CYP2R1: variants seen among roughly 807,000 people sequenced by gnomAD.
CYP2R1 encodes cytochrome P450 family 2 subfamily R member 1, also known as vitamin D 25-hydroxylase.
A neutral mutation model predicts 45.7 loss-of-function variants in CYP2R1; 40 were observed. That is an observed-to-expected ratio of 0.87 (90% CI 0.68 to 1.14). The LOEUF (loss-of-function observed/expected upper bound fraction) is 1.14, where lower values mean the gene tolerates loss of function less well. Among genes scored for constraint, CYP2R1 ranks in the 50% most tolerant of loss-of-function variants. CYP2R1 has a pLI of 0.00. For missense variants in CYP2R1, 605 were observed against 602.6 expected (o/e 1.00, Z -0.04); for synonymous variants, 234 against 219.3 (o/e 1.07, Z -0.59).
At chr11:14,879,490 T>C (rs781802592) in intron 3 of CYP2R1, 47 bp from the exon 4 acceptor site, 8 of 1,411,976 alleles carry the variant, frequency 5.7e-6, no homozygotes, top group African/African-American at 1.4e-5. Flanking sequence ...CTTAGAATTA[T>C]ACCTAAAGTT....
chr11:14,884,141 G>C (rs1555013478), intron 2 of CYP2R1, among the ~76,000 whole-genome samples: 2 of 151,976 alleles, frequency 1.3e-5, no homozygotes, highest in Non-Finnish European at 2.9e-5. Context: ...CAGGGATCTA[G>C]AACTAGAAAT....
chr11:14,886,684 G>A (rs1218763552), intron 1 of CYP2R1: 3 of 152,194 alleles, frequency 2.0e-5, no homozygotes, highest in African/African-American at 4.8e-5. Flanking sequence ...GTGAGAGAAC[G>A]ATATTCCCTT....
intron 1 of CYP2R1, among the ~76,000 whole-genome samples, chr11:14,890,273 C>A (rs1231633320): frequency 6.6e-6 from 1 of 150,794 alleles, no homozygotes; most frequent in Non-Finnish European, 1.5e-5. Flanking sequence ...GAAGACCTGA[C>A]CTCTAGTCTT....
intron 2 of CYP2R1, 35 bp from the exon 3 acceptor site, chr11:14,880,803 AC>A: frequency 6.4e-7 from 1 of 1,565,520 alleles, no homozygotes; most frequent in Non-Finnish European, 8.6e-7. Context: ...TATAATTCCT[AC>A]TTCTCTGTAT....
At chr11:14,891,678 C>G (rs998340087) in intron 1 of CYP2R1, 2 of 1,171,828 alleles carry the variant, frequency 1.7e-6, no homozygotes, top group Non-Finnish European at 2.1e-6. Context: ...GGCTGGCGAG[C>G]CAAACGGCGC....
chr11:14,891,600 G>C, intron 1 of CYP2R1: 1 of 1,061,834 alleles, frequency 9.4e-7, no homozygotes, highest in Non-Finnish European at 1.1e-6. Flanking sequence ...CCACAGAGCT[G>C]CGAGGCCGAC....
Position 14,877,983 on chromosome 11 carries a change from A to G in CYP2R1, c.*139T>C, listed in dbSNP as rs1848217768. 1.2e-6 allele frequency: 1 copy of G among 822,300 alleles called. No homozygotes were observed. Among genetic ancestry groups the G allele is most frequent in the South Asian group, 1.8e-5 (1 of 54,992 alleles). The allele number at this position is 822,300 out of a possible 1,614,324, so 50.9% of individuals were successfully genotyped here. Reference sequence around the variant, plus strand: ...GACTAGTGCTTGTTTCTGCTCTAGTACTATTTTAAGACACATCTGTGTTCA... The same window carrying G: ...GACTAGTGCTTGTTTCTGCTCTAGTGCTATTTTAAGACACATCTGTGTTCA... On this transcript the variant is annotated 3_prime_UTR_variant, in exon 5 of 5. Coordinates refer to ENST00000334636, the MANE Select transcript of CYP2R1 (RefSeq NM_024514.5).
chr11:14,884,672 A>G (rs1848539114), intron 2 of CYP2R1, among the ~76,000 whole-genome samples: 1 of 152,130 alleles, frequency 6.6e-6, no homozygotes, highest in African/African-American at 2.4e-5. Flanking sequence ...CCTAAAACTT[A>G]AAGTATAATA....
intron 1 of CYP2R1, among the ~76,000 whole-genome samples, chr11:14,888,870 A>C (rs1848718773): frequency 6.6e-6 from 1 of 152,186 alleles, no homozygotes; most frequent in South Asian, 2.1e-4. Flanking sequence ...CCATTACCTG[A>C]AAATAATCGA....
chr11:14,885,958 G>A (rs782433035), intron 1 of CYP2R1, 41 bp from the exon 2 acceptor site: 27 of 1,593,414 alleles, frequency 1.7e-5, no homozygotes, highest in Admixed American at 5.0e-5. Context: ...ATGACAGCAT[G>A]TATGGAGAAA....
Position 14,892,056 on chromosome 11 carries a change from G to C in CYP2R1, c.150C>G (p.Gly50=). Residue 50 remains glycine, a synonymous_variant, in exon 1 of 5, where the codon GGC becomes GGG. Coordinates refer to ENST00000334636, the MANE Select transcript of CYP2R1 (RefSeq NM_024514.5). ...ATGAGGCTGCCAGGGAATAGATGTTGCCGATAAATGGCAGCCCCGGCGGCC... is the reference window on the plus strand; with the variant it reads ...ATGAGGCTGCCAGGGAATAGATGTTCCCGATAAATGGCAGCCCCGGCGGCC... The part of the protein sequence containing the change: ...PPGPPGLPFI[G]NIYSLAASSE... 1 of 1,612,932 alleles carries C rather than the reference G, an allele frequency of 6.2e-7. No individual in the cohort carries two copies. The highest frequency in any genetic ancestry group is 8.5e-7 in the Non-Finnish European group (1 of 1,179,744).
chr11:14,880,535 T>C lies in CYP2R1; in HGVS notation c.601A>G (p.Thr201Ala), dbSNP rs1555011798. ...TNLIIFGERF[T>A]YEDTDFQHMI... ...TGCTGAAAATCGGTGTCTTCATAAG[T>C]GAATCGTTCTCCAAAAATGATCAGA... is the stretch of plus-strand genomic sequence containing the variant. The change falls in exon 3 of 5, where the codon ACT (threonine) becomes GCT (alanine). Residue 201 changes from threonine to alanine, a missense_variant. By Grantham distance (58) the Thr-to-Ala change is moderately conservative (BLOSUM62 0). Coordinates refer to ENST00000334636, the MANE Select transcript of CYP2R1 (RefSeq NM_024514.5). 3 of 1,613,542 alleles carry C rather than the reference T, an allele frequency of 1.9e-6. No individual in the cohort carries two copies. The highest frequency in any genetic ancestry group is 1.3e-5 in the African/African-American group (1 of 75,014).
chr11:14,881,055 C>T (rs1396796677), intron 2 of CYP2R1, among the ~76,000 whole-genome samples: 3 of 152,044 alleles, frequency 2.0e-5, no homozygotes, highest in Admixed American at 1.3e-4. Flanking sequence ...GCCCAGGTGA[C>T]TATATTATCC....
At chr11:14,884,594 A>G (rs1848534579) in intron 2 of CYP2R1, among the ~76,000 whole-genome samples, 1 of 151,590 alleles carries the variant, frequency 6.6e-6, no homozygotes. Flanking sequence ...TGACGAGTTA[A>G]TGGGTGCAGC....
chr11:14,887,750 G>C (rs998601182), intron 1 of CYP2R1: 10 of 430,208 alleles, frequency 2.3e-5, no homozygotes, highest in African/African-American at 1.7e-4. Context: ...TGAGGCCCAG[G>C]ACTTTGCAGT....
chr11:14,878,289 G>T lies in CYP2R1; in HGVS notation c.1339C>A (p.His447Asn), dbSNP rs373226890. 1 of 1,612,808 alleles carries T rather than the reference G, an allele frequency of 6.2e-7. No homozygotes were observed. Among genetic ancestry groups the T allele is most frequent in the Admixed American group, 1.7e-5 (1 of 59,808 alleles). ...CGAGCCAAGTGTTCTCCAAGACAAT[G>T]TCTTCTTCCTAAACAGAAAAAGCAG... ...ALVPFSLGRR[H>N]CLGEHLARME... The change falls in exon 5 of 5, where the codon CAT (histidine) becomes AAT (asparagine). Residue 447 changes from histidine (H) to asparagine (N), a missense_variant. By Grantham distance (68) the His-to-Asn change is moderately conservative. Transcript: ENST00000334636.
chr11:14,891,503 G>A (rs1555016899), intron 1 of CYP2R1: 9 of 993,234 alleles, frequency 9.1e-6, no homozygotes, highest in Non-Finnish European at 1.1e-5. Context: ...TACACCAGTC[G>A]TTCGTCGACT....
At chr11:14,882,405 T>TA (rs1176188895) in intron 2 of CYP2R1, among the ~76,000 whole-genome samples, 5 of 151,958 alleles carry the variant, frequency 3.3e-5, no homozygotes, top group Admixed American at 3.3e-4. Flanking sequence ...CCACTGCAGT[T>TA]AGAGGTAACA....
intron 1 of CYP2R1, chr11:14,891,290 T>G (rs12360784): frequency 2.0e-6 from 2 of 985,240 alleles, no homozygotes; most frequent in Admixed American, 6.1e-5. Context: ...AAGTTGGCAG[T>G]GACAGTGGCA....
Sources: allele counts gnomAD v4.1 joint callset (sites outside exome capture counted in the v4.1 genomes callset), GRCh38; gene constraint gnomAD v4.1.1; transcripts MANE v1.5; gene names NCBI Gene and HGNC (gene_info 2026-07-23, HGNC 2026-07-21).